The following TF variants were observed in gnomAD, a reference collection of about 807,000 sequenced individuals.
TF encodes the protein serotransferrin.
TF carries 55 observed loss-of-function variants against 82.4 expected under a neutral mutation model. The ratio of observed to expected loss-of-function variants is 0.67; its 90% CI spans 0.54 to 0.84. The LOEUF (loss-of-function observed/expected upper bound fraction) is 0.84. Among genes scored for constraint, TF ranks in the 40% least tolerant of loss-of-function variants. The pLI, the probability that TF is intolerant of heterozygous loss-of-function variation, is 0.00. For synonymous variants in TF, 332 were observed against 332.6 expected (o/e 1.00, Z 0.02); for missense variants, 737 against 868.4 (o/e 0.85, Z 1.90).
chr3:133,699,697 C>A, the TF span: 1 of 430,598 alleles, frequency 2.3e-6, no homozygotes. Flanking sequence ...AACTTCCTTG[C>A]CTTCTTGTCA....
upstream of TF, among the ~76,000 whole-genome samples, chr3:133,743,656 G>T (rs1208231093): frequency 6.6e-6 from 1 of 152,114 alleles, no homozygotes. Context: ...GAGGGGTATG[G>T]TAAGTGCTCA....
chr3:133,736,836 A>T, the TF span, among the ~76,000 whole-genome samples: 2 of 152,136 alleles, frequency 1.3e-5, no homozygotes, highest in Admixed American at 1.3e-4. Context: ...TTAGGGACGG[A>T]CAAAGAGACT....
the TF span, among the ~76,000 whole-genome samples, chr3:133,738,982 C>G: frequency 2.0e-5 from 3 of 152,126 alleles, no homozygotes; most frequent in African/African-American, 7.2e-5. Context: ...TCATATGGAA[C>G]CAAAAAAGAG....
At chr3:133,775,286 T>G in intron 14 of TF, 147 bp from the exon 15 acceptor site, 1 of 785,322 alleles carries the variant, frequency 1.3e-6, no homozygotes, top group South Asian at 1.4e-5. Context: ...GGGTGTCTCT[T>G]CCTGTCCACA....
chr3:133,714,930 G>A, the TF span, among the ~76,000 whole-genome samples: 3 of 151,990 alleles, frequency 2.0e-5, no homozygotes, highest in African/African-American at 2.4e-5. Flanking sequence ...TGATCCACCC[G>A]CCTCGGCCTC....
chr3:133,733,808 TTTC>T, the TF span, among the ~76,000 whole-genome samples: 1 of 152,156 alleles, frequency 6.6e-6, no homozygotes, highest in African/African-American at 2.4e-5. Context: ...GGCTGCTCCC[TTTC>T]TTCTTTCATT....
At chr3:133,763,184 G>A (rs1934038592) in intron 9 of TF, among the ~76,000 whole-genome samples, 1 of 152,172 alleles carries the variant, frequency 6.6e-6, no homozygotes, top group Non-Finnish European at 1.5e-5. Flanking sequence ...GTTTGGATGT[G>A]TAGAGGGAGT....
At chr3:133,720,460 T>G in the TF span, among the ~76,000 whole-genome samples, 1 of 152,166 alleles carries the variant, frequency 6.6e-6, no homozygotes, top group Non-Finnish European at 1.5e-5. Context: ...TTGATTATAG[T>G]GAATGATCTT....
the TF span, among the ~76,000 whole-genome samples, chr3:133,730,447 G>A: frequency 1.3e-5 from 2 of 152,206 alleles, no homozygotes; most frequent in Admixed American, 6.5e-5. Flanking sequence ...GAGACTGCTG[G>A]CTATGGTGGG....
At chr3:133,755,282 T>G in intron 4 of TF, 81 bp from the exon 5 acceptor site, 4 of 1,602,188 alleles carry the variant, frequency 2.5e-6, no homozygotes, top group African/African-American at 1.3e-5. Context: ...CTCTGTTCCC[T>G]GATGGGCCTG....
the TF span, among the ~76,000 whole-genome samples, chr3:133,723,297 C>G: frequency 6.6e-6 from 1 of 152,076 alleles, no homozygotes; most frequent in Non-Finnish European, 1.5e-5. Flanking sequence ...TTTGGGTCTC[C>G]TGAATCTGGA....
At chr3:133,681,659 G>A in the TF span, among the ~76,000 whole-genome samples, 1,207 of 152,130 alleles carry the variant, frequency 7.9e-3, 13 homozygotes, top group African/African-American at 0.028. Context: ...GGGGAGGGGC[G>A]CCCCTCATTG....
chr3:133,737,536 G>A, the TF span, among the ~76,000 whole-genome samples: 16,788 of 151,908 alleles, frequency 0.11, 1,205 homozygotes, highest in Non-Finnish European at 0.15. Flanking sequence ...CCAGGAGCTG[G>A]TTTTTTGAAA....
At chr3:133,695,215 T>C in the TF span, among the ~76,000 whole-genome samples, 2 of 149,074 alleles carry the variant, frequency 1.3e-5, no homozygotes, top group East Asian at 2.0e-4. Context: ...AAGGATGGTG[T>C]GGACCCCACC....
At chr3:133,713,087 C>A in the TF span, among the ~76,000 whole-genome samples, 1 of 152,222 alleles carries the variant, frequency 6.6e-6, no homozygotes, top group African/African-American at 2.4e-5. Flanking sequence ...TTGCCACTTT[C>A]TTCTGTGTGA....
rs1934819788 is a variant in TF at position 133,791,073 on chromosome 3, G to A, written c.*12453G>A. The A allele has an allele frequency of 1.3e-5, 2 of 151,900 alleles. No homozygotes were observed. The highest frequency in any genetic ancestry group is 4.2e-4 in the South Asian group (2 of 4,808). 9.4% of individuals were successfully genotyped at this position (151,900 alleles called of 1,614,324 possible). ...ATATATTTTTTTTAAATTTCTAGTG[G>A]AAGGCTTTTATTTGGTTCTGTGAAT... is the stretch of plus-strand genomic sequence containing the variant. On this transcript the variant is annotated 3_prime_UTR_variant, in exon 17 of 17. Transcript: ENST00000402696.
At chr3:133,736,103 T>A in the TF span, among the ~76,000 whole-genome samples, 1 of 152,028 alleles carries the variant, frequency 6.6e-6, no homozygotes, top group Admixed American at 6.5e-5. Context: ...TAACAGCAGA[T>A]CTCTCAGCAG....
the TF span, among the ~76,000 whole-genome samples, chr3:133,714,687 G>T: frequency 6.6e-6 from 1 of 151,850 alleles, no homozygotes; most frequent in African/African-American, 2.4e-5. Context: ...TTTTTTGTTT[G>T]TTTGTTTGTT....
chr3:133,738,427 A>G, the TF span, among the ~76,000 whole-genome samples: 1 of 152,156 alleles, frequency 6.6e-6, no homozygotes, highest in Admixed American at 6.5e-5. Flanking sequence ...CTCTCTTCCC[A>G]CTCCTATTCA....
Sources: gnomAD v4.1 joint callset for allele counts (sites outside exome capture counted in the v4.1 genomes callset) on GRCh38, gnomAD v4.1.1 for gene constraint, MANE v1.5 for transcripts, NCBI Gene and HGNC (gene_info 2026-07-23, HGNC 2026-07-21) for gene names.